Variants in BCAS3 observed in about 807,000 individuals in gnomAD.
BCAS3 encodes BCAS3 microtubule associated cell migration factor, also known as BCAS4/BCAS3 fusion.
Under a neutral mutation model 116.1 loss-of-function variants are expected in BCAS3, and 53 were observed. That is an observed-to-expected ratio of 0.46 (90% CI 0.37 to 0.57). BCAS3 has a LOEUF of 0.57. Ranked by LOEUF, BCAS3 falls within the 20% of genes least tolerant of loss-of-function variation. BCAS3 has a pLI of 0.00. For synonymous variants in BCAS3, 391 were observed against 408.2 expected, an observed-to-expected ratio of 0.96 and a Z score of 0.51; for missense variants, 917 against 1,165.4, an observed-to-expected ratio of 0.79 and a Z score of 3.10.
At chr17:60,838,256 A>C (rs570219445) in intron 7 of BCAS3, among the ~76,000 whole-genome samples, 3 of 152,324 alleles carry the variant, frequency 2.0e-5, no homozygotes, top group Admixed American at 6.5e-5. Context: ...TTAAGGTAAA[A>C]ATTAAGAAAA....
chr17:60,866,362 C>T (rs1425862214), intron 7 of BCAS3, among the ~76,000 whole-genome samples: 2 of 152,244 alleles, frequency 1.3e-5, no homozygotes. Flanking sequence ...CTCCCAACCT[C>T]AGGTGATCCA....
chr17:60,871,106 T>C (rs2055060846), intron 8 of BCAS3, among the ~76,000 whole-genome samples: 1 of 152,224 alleles, frequency 6.6e-6, no homozygotes, highest in South Asian at 2.1e-4. Flanking sequence ...CCTACGTTGC[T>C]AATTTAATGA....
chr17:60,715,793 A>T (rs1438200048), intron 5 of BCAS3, among the ~76,000 whole-genome samples: 1 of 151,734 alleles, frequency 6.6e-6, no homozygotes, highest in Non-Finnish European at 1.5e-5. Context: ...TCAAAATATC[A>T]TACTTCTTGA....
chr17:60,715,913 A>G (rs1447193954), intron 5 of BCAS3, among the ~76,000 whole-genome samples: 4 of 151,924 alleles, frequency 2.6e-5, no homozygotes, highest in African/African-American at 9.7e-5. Flanking sequence ...CCCAGGCTGG[A>G]GTGCAGTGGT....
chr17:61,108,331 T>G (rs1375568810), intron 22 of BCAS3, among the ~76,000 whole-genome samples: 1 of 152,196 alleles, frequency 6.6e-6, no homozygotes, highest in South Asian at 2.1e-4. Flanking sequence ...TAAATGAATT[T>G]CCTGTAAAAA....
intron 22 of BCAS3, among the ~76,000 whole-genome samples, chr17:61,185,717 T>C (rs1227709560): frequency 1.3e-5 from 2 of 152,148 alleles, no homozygotes; most frequent in African/African-American, 4.8e-5. Context: ...AACGAATCAA[T>C]TAAAAGCATG....
chr17:61,301,039 T>C (rs1296065337), intron 22 of BCAS3, among the ~76,000 whole-genome samples: 1 of 152,240 alleles, frequency 6.6e-6, no homozygotes, highest in Non-Finnish European at 1.5e-5. Flanking sequence ...TGTACTTATT[T>C]TTAACATATT....
At chr17:60,736,698 T>C (rs889296151) in intron 5 of BCAS3, among the ~76,000 whole-genome samples, 3 of 152,208 alleles carry the variant, frequency 2.0e-5, no homozygotes, top group Non-Finnish European at 4.4e-5. Flanking sequence ...ATTTCTTTAA[T>C]AGGTGTAGAC....
intron 18 of BCAS3, among the ~76,000 whole-genome samples, chr17:61,040,019 C>A (rs1392561263): frequency 6.6e-6 from 1 of 152,032 alleles, no homozygotes; most frequent in Non-Finnish European, 1.5e-5. Context: ...TGATTAGAAT[C>A]TTTATAAGCT....
chr17:61,226,578 A>T lies in BCAS3; in HGVS notation c.2426-141749A>T, dbSNP rs953999788. 6.6e-6 allele frequency among the ~76,000 whole-genome samples: 1 copy of T among 152,324 alleles called. No homozygotes were observed. Among genetic ancestry groups the T allele is most frequent in the Admixed American group, 6.5e-5 (1 of 15,302 alleles). ...CTGCTATGAGCACCCAGTATTTACT[A>T]GATCTTAGATTTTAAGGGTTAGAAT... is the stretch of plus-strand genomic sequence containing the variant. On this transcript the variant is annotated intron_variant, in intron 22 of 23. Coordinates refer to ENST00000407086, the MANE Select transcript of BCAS3 (RefSeq NM_017679.5). This position sits in a 1 kb window ranked among gnomAD's most constrained non-coding sequence, Gnocchi z 6.0.
At chr17:60,968,805 C>T (rs141788009) in intron 14 of BCAS3, among the ~76,000 whole-genome samples, 1 of 152,216 alleles carries the variant, frequency 6.6e-6, no homozygotes, top group Non-Finnish European at 1.5e-5. Flanking sequence ...ACAAAGTTTC[C>T]AGGGCTAGGG....
chr17:60,915,059 C>T (rs1355158907), intron 12 of BCAS3, among the ~76,000 whole-genome samples: 6 of 152,114 alleles, frequency 3.9e-5, no homozygotes, highest in Admixed American at 3.3e-4. Flanking sequence ...AACTGAGATA[C>T]CATGTTTTAC....
intron 6 of BCAS3, among the ~76,000 whole-genome samples, chr17:60,750,223 A>G (rs2042339673): frequency 6.6e-6 from 1 of 152,084 alleles, no homozygotes; most frequent in Non-Finnish European, 1.5e-5. Flanking sequence ...GAAGAAGAAA[A>G]CCTGTATGAT....
chr17:61,295,678 C>T (rs929586972), intron 22 of BCAS3, among the ~76,000 whole-genome samples: 3 of 151,570 alleles, frequency 2.0e-5, no homozygotes, highest in African/African-American at 7.3e-5. Context: ...TCAGGCGGGG[C>T]GCGGTGGCTC....
In BCAS3 at chr17:61,324,212, G is replaced by A. The variant is rs751853819; in HGVS notation, c.2426-44115G>A. Among the ~76,000 whole-genome samples, 46 of 152,132 alleles carry A rather than the reference G, an allele frequency of 3.0e-4. No individual in the cohort carries two copies. The highest frequency in any genetic ancestry group is 6.0e-4 in the Non-Finnish European group (41 of 68,024). On this transcript the variant is annotated intron_variant, in intron 22 of 23. Coordinates refer to ENST00000407086, the MANE Select transcript of BCAS3 (RefSeq NM_017679.5). This position sits in a 1 kb window ranked among gnomAD's most constrained non-coding sequence, Gnocchi z 4.6. ...AGTGCCAGACATATGCTAAGCACTC[G>A]AGAAATGTTTCAATCAGTGAGTGAA...
rs116541499 is a variant in BCAS3 at position 60,769,585 on chromosome 17, T to A, written c.403+22306T>A. 5.7e-3 allele frequency among the ~76,000 whole-genome samples: 864 copies of A among 152,116 alleles called. 11 individuals are homozygous for A. Among genetic ancestry groups the A allele is most frequent in the African/African-American group, 0.02 (817 of 41,492 alleles). Reference sequence around the variant, plus strand: ...CCGTGGGGAAGGGGGAGGGCCCCCCTCAGTAGGAGCAGCTAGGCAGGTGGT... The same window carrying A: ...CCGTGGGGAAGGGGGAGGGCCCCCCACAGTAGGAGCAGCTAGGCAGGTGGT... On this transcript the variant is annotated intron_variant, in intron 6 of 23. Transcript: ENST00000407086.
At chr17:60,959,618 C>T (rs2061317431) in intron 14 of BCAS3, among the ~76,000 whole-genome samples, 1 of 152,010 alleles carries the variant, frequency 6.6e-6, no homozygotes, top group African/African-American at 2.4e-5. Flanking sequence ...ACCATAGAAC[C>T]CAGCAATTTC....
chr17:61,011,009 C>T (rs2065075333), intron 15 of BCAS3, among the ~76,000 whole-genome samples: 1 of 152,000 alleles, frequency 6.6e-6, no homozygotes, highest in Admixed American at 6.6e-5. Context: ...GCATTTGTCA[C>T]TTACAGGTCT....
chr17:60,710,526 G>C (rs1454364696), intron 5 of BCAS3, among the ~76,000 whole-genome samples: 2 of 151,408 alleles, frequency 1.3e-5, no homozygotes, highest in Non-Finnish European at 2.9e-5. Flanking sequence ...CTGCCTCCCG[G>C]GTTAACGCCA....
Sources: gnomAD v4.1 joint callset for allele counts (sites outside exome capture counted in the v4.1 genomes callset) on GRCh38, gnomAD v4.1.1 for gene constraint, Gnocchi (gnomAD v3.1) non-coding constraint, MANE v1.5 for transcripts, NCBI Gene and HGNC (gene_info 2026-07-23, HGNC 2026-07-21) for gene names.